The following FNDC3A variants were observed in gnomAD, a reference collection of about 807,000 sequenced individuals.
FNDC3A encodes the protein fibronectin type III domain containing 3A.
In FNDC3A, 32 loss-of-function variants were observed where a neutral mutation model predicts 148.9. The ratio of observed to expected loss-of-function variants is 0.21; its 90% CI spans 0.16 to 0.29. The LOEUF (loss-of-function observed/expected upper bound fraction) is 0.29. Ranked by LOEUF, FNDC3A falls within the 10% of genes least tolerant of loss-of-function variation. The pLI is 1.00. For synonymous variants in FNDC3A, 472 were observed against 473.6 expected, an observed-to-expected ratio of 1.00 and a Z score of 0.04; for missense variants, 1,191 against 1,452.8, an observed-to-expected ratio of 0.82 and a Z score of 2.93.
chr13:49,178,334 T>C (rs1885134762), intron 13 of FNDC3A, among the ~76,000 whole-genome samples: 1 of 152,242 alleles, frequency 6.6e-6, no homozygotes. Flanking sequence ...TCTTGGCTAC[T>C]ATATTTACTG....
intron 11 of FNDC3A, among the ~76,000 whole-genome samples, chr13:49,172,558 T>C (rs1385816106): frequency 6.6e-6 from 1 of 152,206 alleles, no homozygotes; most frequent in Non-Finnish European, 1.5e-5. Flanking sequence ...CCAGCTTCTG[T>C]AGGCTGTCCT....
intron 8 of FNDC3A, among the ~76,000 whole-genome samples, chr13:49,165,578 C>G (rs1370865661): frequency 1.3e-5 from 2 of 152,036 alleles, no homozygotes; most frequent in Admixed American, 1.3e-4. Flanking sequence ...CCAAGCCTAC[C>G]TGTCCTTGGG....
At chr13:48,989,410 T>A (rs1951868311) in intron 1 of FNDC3A, among the ~76,000 whole-genome samples, 1 of 152,194 alleles carries the variant, frequency 6.6e-6, no homozygotes, top group South Asian at 2.1e-4. Flanking sequence ...ATGATGATAG[T>A]CATTAAAACA....
chr13:49,138,831 T>C (rs552399169), intron 7 of FNDC3A, 26 bp downstream of exon 7: 22 of 1,243,244 alleles, frequency 1.8e-5, no homozygotes, highest in Non-Finnish European at 2.3e-5. Context: ...ATTTTATTGA[T>C]GTTTATATTT....
intron 1 of FNDC3A, among the ~76,000 whole-genome samples, chr13:48,976,411 C>T (rs1047645510): frequency 7.2e-5 from 11 of 152,186 alleles, no homozygotes; most frequent in Admixed American, 2.6e-4. Flanking sequence ...TAGTCGGGCA[C>T]CTGCCGGGGC....
chr13:49,130,833 A>G (rs1202771696), intron 4 of FNDC3A, among the ~76,000 whole-genome samples: 1 of 152,152 alleles, frequency 6.6e-6, no homozygotes, highest in African/African-American at 2.4e-5. Context: ...CAATGGTGCT[A>G]TCTCGGCTCA....
chr13:49,145,477 A>G (rs1288106378), intron 7 of FNDC3A, among the ~76,000 whole-genome samples: 1 of 152,206 alleles, frequency 6.6e-6, no homozygotes, highest in Non-Finnish European at 1.5e-5. Context: ...AAGCTGAGGA[A>G]ATGAACCCTT....
intron 2 of FNDC3A, among the ~76,000 whole-genome samples, chr13:49,052,886 G>A (rs1354964102): frequency 6.6e-6 from 1 of 152,188 alleles, no homozygotes; most frequent in Non-Finnish European, 1.5e-5. Context: ...CTTGGGCAGG[G>A]CTTGCTGTGG....
At position 48,976,748 on chromosome 13, in the gene FNDC3A, CTCTGTTTGA is replaced by C. The variant is rs1951609933; in HGVS notation, c.-40+574_-40+582del. On this transcript the variant is annotated intron_variant, in intron 1 of 25. Coordinates refer to ENST00000492622, the MANE Select transcript of FNDC3A (RefSeq NM_001079673.2). Reference sequence around the variant, plus strand: ...GGGGTTAAAACCTCGAAAACCCGCCCTCTGTTTGATCCTGCGTGGCTGCTTCCAGTACCT... The same window carrying C: ...GGGGTTAAAACCTCGAAAACCCGCCCTCCTGCGTGGCTGCTTCCAGTACCT... The C allele has an allele frequency of 2.0e-5, 3 of 152,288 alleles. No homozygotes were observed. In the South Asian group the frequency reaches 6.2e-4, roughly 32 times the overall value. 9.4% of individuals were successfully genotyped at this position (152,288 alleles called of 1,614,324 possible).
chr13:49,114,298 C>T (rs1593607772), intron 3 of FNDC3A, among the ~76,000 whole-genome samples: 1 of 151,928 alleles, frequency 6.6e-6, no homozygotes, highest in Non-Finnish European at 1.5e-5. Flanking sequence ...TAAACTTACA[C>T]TATTATAAGA....
chr13:49,129,846 C>A (rs1413143213), intron 4 of FNDC3A, among the ~76,000 whole-genome samples: 2 of 152,164 alleles, frequency 1.3e-5, no homozygotes, highest in African/African-American at 4.8e-5. Context: ...TTAGGCTTAT[C>A]TATACCCAGA....
At position 49,174,565 on chromosome 13, in the gene FNDC3A, G is replaced by T; in HGVS notation, c.1355+6G>T. On this transcript the variant is annotated splice_donor_region_variant and intron_variant, in intron 12 of 25. Transcript: ENST00000492622. ...AGAAATGACTATGGTACAAGGTAAG[G>T]TGTACTTTATAAAAGAATGTAAATA... The T allele has an allele frequency of 6.3e-7, 1 of 1,599,438 alleles. No homozygotes were observed. The highest frequency in any genetic ancestry group is 1.1e-5 in the South Asian group (1 of 88,668).
At chr13:49,120,031 G>C (rs1281620846) in intron 4 of FNDC3A, among the ~76,000 whole-genome samples, 2 of 152,006 alleles carry the variant, frequency 1.3e-5, no homozygotes, top group Non-Finnish European at 2.9e-5. Context: ...CCCAAGACAC[G>C]TAATTGTCAG....
chr13:49,198,144 C>T lies in FNDC3A; in HGVS notation c.2653C>T (p.Pro885Ser). The T allele has an allele frequency of 6.2e-7, 1 of 1,614,156 alleles. No individual in the cohort carries two copies. Among genetic ancestry groups the T allele is most frequent in the Non-Finnish European group, 8.5e-7 (1 of 1,180,002 alleles). The change falls in exon 22 of 26, where the codon CCT becomes TCT. Residue 885 changes from proline (P) to serine (S), a missense_variant. By Grantham distance (74) the Pro-to-Ser change is moderately conservative (BLOSUM62 -1). Around this residue, in one of 3 missense-constraint regions of FNDC3A, gnomAD observed 751 missense variants for 944.0 expected, o/e 0.80. Coordinates refer to ENST00000492622, the MANE Select transcript of FNDC3A (RefSeq NM_001079673.2). The part of the protein sequence containing the change: ...STCLAISWEK[P>S]CDHGSEILAY... The stretch of plus-strand genomic sequence containing the variant: ...ATGCCTTGCAATAAGCTGGGAAAAG[C>T]CTTGTGATCATGGTTCGGAAATCCT...
At chr13:49,118,259 A>G (rs548382638) in intron 4 of FNDC3A, among the ~76,000 whole-genome samples, 2 of 152,124 alleles carry the variant, frequency 1.3e-5, no homozygotes, top group East Asian at 3.9e-4. Context: ...GGGGTCGGGG[A>G]GCTCCCTCCC....
chr13:49,155,948 TC>T (rs1460384773), intron 8 of FNDC3A, among the ~76,000 whole-genome samples: 5 of 132,892 alleles, frequency 3.8e-5, no homozygotes, highest in Admixed American at 1.6e-4. Flanking sequence ...AAGTATGTGG[TC>T]AATTTTGGAA....
At chr13:49,187,589 G>C (rs1885648266) in intron 16 of FNDC3A, 6 of 1,609,752 alleles carry the variant, frequency 3.7e-6, no homozygotes, top group African/African-American at 2.7e-5. Flanking sequence ...ACTGAAAATG[G>C]CAAATTCTTC....
chr13:49,187,469 T>C (rs2138096386), intron 16 of FNDC3A: 1 of 1,471,592 alleles, frequency 6.8e-7, no homozygotes, highest in Non-Finnish European at 9.5e-7. Flanking sequence ...ATGGATGAAC[T>C]GAAACATCCT....
At chr13:49,038,943 G>T (rs1376251858) in intron 2 of FNDC3A, among the ~76,000 whole-genome samples, 1 of 152,058 alleles carries the variant, frequency 6.6e-6, no homozygotes, top group Non-Finnish European at 1.5e-5. Flanking sequence ...GAAAAATACA[G>T]ATTCTTCACC....
Sources: allele counts gnomAD v4.1 joint callset (sites outside exome capture counted in the v4.1 genomes callset), GRCh38; gene constraint gnomAD v4.1.1; regional missense constraint gnomAD v4.1.1; transcripts MANE v1.5; gene names NCBI Gene and HGNC (gene_info 2026-07-23, HGNC 2026-07-21).